The following IL13RA1 variants were observed in gnomAD, a reference collection of about 807,000 sequenced individuals.
The protein encoded by IL13RA1 is interleukin-13 receptor subunit alpha-1.
A neutral mutation model predicts 33.8 loss-of-function variants in IL13RA1; 14 were observed. That is an observed-to-expected ratio of 0.41 (90% CI 0.27 to 0.65). The LOEUF is 0.65. Ranked by LOEUF, IL13RA1 falls within the 30% of genes least tolerant of loss-of-function variation. The pLI is 0.28. For synonymous variants in IL13RA1, 116 were observed against 115.7 expected (o/e 1.00, Z -0.02); for missense variants, 313 against 327.0 (o/e 0.96, Z 0.33).
chrX:118,772,141 T>G (rs1234909791), intron 8 of IL13RA1, among the ~76,000 whole-genome samples: 1 of 112,626 alleles, frequency 8.9e-6, no homozygotes, highest in Non-Finnish European at 1.9e-5. Context: ...TTTGTACAGT[T>G]CAGAGGGAAT....
intron 4 of IL13RA1, among the ~76,000 whole-genome samples, chrX:118,752,809 G>A (rs1430637924): frequency 8.9e-6 from 1 of 112,138 alleles, no homozygotes; most frequent in Non-Finnish European, 1.9e-5. Context: ...GAATATTATG[G>A]TTCATGAATA....
At position 118,792,416 on chromosome X, in the gene IL13RA1, C is replaced by T. The variant is rs2254758; in HGVS notation, c.*562C>T. 18,850 of 111,364 alleles carry T rather than the reference C, an allele frequency of 0.17. 1,463 individuals are homozygous for T. The highest frequency in any genetic ancestry group is 0.43 in the East Asian group (1,505 of 3,480). The allele number at this position is 111,364 out of a possible 1,213,427, so 9.2% of individuals were successfully genotyped here. On this transcript the variant is annotated 3_prime_UTR_variant, in exon 11 of 11. Coordinates refer to ENST00000371666, the MANE Select transcript of IL13RA1 (RefSeq NM_001560.3). Reference sequence around the variant, plus strand: ...ATCCCAGCAATTTGGGAGTCCGAGGCGGGCGGATCACTCGAGGTCAGGAGT... The same window carrying T: ...ATCCCAGCAATTTGGGAGTCCGAGGTGGGCGGATCACTCGAGGTCAGGAGT...
intron 8 of IL13RA1, among the ~76,000 whole-genome samples, chrX:118,772,856 A>C (rs1262926270): frequency 1.8e-5 from 2 of 112,524 alleles, no homozygotes; most frequent in Non-Finnish European, 3.8e-5. Flanking sequence ...ACAATGGACA[A>C]TGTGCATGTC....
At chrX:118,742,117 T>G (rs1343235686) in intron 2 of IL13RA1, among the ~76,000 whole-genome samples, 1 of 111,966 alleles carries the variant, frequency 8.9e-6, no homozygotes, top group Non-Finnish European at 1.9e-5. Flanking sequence ...TACAAAAGTT[T>G]AATAGTCAGG....
chrX:118,766,411 G>A, intron 6 of IL13RA1, 119 bp from the exon 7 acceptor site: 2 of 412,888 alleles, frequency 4.8e-6, no homozygotes, highest in Non-Finnish European at 8.3e-6. Flanking sequence ...TTTTTTCACT[G>A]TACCTGATCA....
At chrX:118,750,032 C>T (rs1011766975) in intron 4 of IL13RA1, among the ~76,000 whole-genome samples, 4 of 111,661 alleles carry the variant, frequency 3.6e-5, no homozygotes, top group Admixed American at 9.6e-5. Context: ...CTCAGTTTCT[C>T]CCAGTGGTAA....
intron 8 of IL13RA1, chrX:118,770,427 G>T: frequency 2.5e-6 from 1 of 394,689 alleles, no homozygotes. Flanking sequence ...ACGGCAGCCT[G>T]GCACTGGCCT....
chrX:118,731,393 A>G (rs889685748), intron 1 of IL13RA1, among the ~76,000 whole-genome samples: 3 of 111,528 alleles, frequency 2.7e-5, no homozygotes, highest in Admixed American at 1.9e-4. Flanking sequence ...CCTGGCCAAC[A>G]TGGCGAAACC....
At chrX:118,761,986 G>A (rs143448050) in intron 6 of IL13RA1, among the ~76,000 whole-genome samples, 64 of 112,495 alleles carry the variant, frequency 5.7e-4, no homozygotes, top group African/African-American at 1.8e-3. Flanking sequence ...ACACTTTGGA[G>A]GCTCTGATAA....
At chrX:118,781,672 C>CT (rs2017845537) in intron 10 of IL13RA1, among the ~76,000 whole-genome samples, 1 of 112,726 alleles carries the variant, frequency 8.9e-6, no homozygotes, top group Non-Finnish European at 1.9e-5. Context: ...TCTTTAAAAG[C>CT]TAAGAATGCT....
At chrX:118,770,921 GTC>G in intron 8 of IL13RA1, 1 of 253,184 alleles carries the variant, frequency 3.9e-6, no homozygotes, top group Non-Finnish European at 7.4e-6. Flanking sequence ...GCTTTTTTCA[GTC>G]TCTCCCCTTT....
At chrX:118,747,232 A>G (rs1211019486) in intron 3 of IL13RA1, 140 bp downstream of exon 3, 1 of 384,272 alleles carries the variant, frequency 2.6e-6, no homozygotes, top group African/African-American at 2.6e-5. Flanking sequence ...ACTAGGTGCT[A>G]GCAGCTCAAT....
At chrX:118,776,761 C>G (rs1473185057) in intron 10 of IL13RA1, among the ~76,000 whole-genome samples, 1 of 108,220 alleles carries the variant, frequency 9.2e-6, no homozygotes, top group African/African-American at 3.3e-5. Flanking sequence ...CCACTGCACC[C>G]AGCTAATTTT....
At chrX:118,784,462 A>G (rs1468801585) in intron 10 of IL13RA1, among the ~76,000 whole-genome samples, 1 of 110,384 alleles carries the variant, frequency 9.1e-6, no homozygotes, top group Non-Finnish European at 1.9e-5. Context: ...TGAACTTTTG[A>G]TATAAAATAA....
chrX:118,742,599 C>T (rs994552431), intron 2 of IL13RA1, among the ~76,000 whole-genome samples: 2 of 111,996 alleles, frequency 1.8e-5, no homozygotes, highest in African/African-American at 3.2e-5. Flanking sequence ...GTGCAGAAAT[C>T]TAGAGTTAAA....
chrX:118,746,580 T>C (rs2017407155), intron 2 of IL13RA1, among the ~76,000 whole-genome samples: 1 of 111,582 alleles, frequency 9.0e-6, no homozygotes. Flanking sequence ...GTTTATACCT[T>C]TAAAATGTGG....
intron 4 of IL13RA1, among the ~76,000 whole-genome samples, chrX:118,755,960 G>A (rs2017525874): frequency 9.0e-6 from 1 of 111,101 alleles, no homozygotes; most frequent in African/African-American, 3.3e-5. Context: ...TTTCTATATC[G>A]AAGCATTCCT....
chrX:118,796,489 G>T (rs903472861), downstream of IL13RA1, among the ~76,000 whole-genome samples: 1 of 112,566 alleles, frequency 8.9e-6, no homozygotes, highest in Non-Finnish European at 1.9e-5. Context: ...GAAGATTTCT[G>T]ATTTTAAATC....
chrX:118,791,693 A>G, intron 10 of IL13RA1, 69 bp from the exon 11 acceptor site: 1 of 497,072 alleles, frequency 2.0e-6, no homozygotes, highest in Non-Finnish European at 3.4e-6. Flanking sequence ...AAGCATTGGC[A>G]CTAAGTACTC....
Sources: gnomAD v4.1 joint callset for allele counts (sites outside exome capture counted in the v4.1 genomes callset) on GRCh38, gnomAD v4.1.1 for gene constraint, MANE v1.5 for transcripts, NCBI Gene and HGNC (gene_info 2026-07-23, HGNC 2026-07-21) for gene names.